MAF: variants seen among roughly 807,000 people sequenced by gnomAD.
MAF encodes the protein MAF bZIP transcription factor, also known as transcription factor Maf.
A neutral mutation model predicts 22.0 loss-of-function variants in MAF; 10 were observed. That is an observed-to-expected ratio of 0.45 (90% CI 0.28 to 0.77). The LOEUF is 0.77. MAF is among the 30% of genes least tolerant of loss of function. The pLI, the probability that MAF is intolerant of heterozygous loss-of-function variation, is 0.12. For synonymous variants in MAF, 337 were observed against 255.8 expected, an observed-to-expected ratio of 1.32 and a Z score of -3.03; for missense variants, 544 against 548.4, an observed-to-expected ratio of 0.99 and a Z score of 0.08.
At chr16:79,273,634 A>C in the MAF span, among the ~76,000 whole-genome samples, 1 of 152,188 alleles carries the variant, frequency 6.6e-6, no homozygotes, top group Non-Finnish European at 1.5e-5. Context: ...TCTGTCTTCA[A>C]AGCCAGCAAT....
Position 79,599,670 on chromosome 16 carries a change from G to A in MAF, c.233C>T (p.Pro78Leu). The A allele has an allele frequency of 6.2e-7, 1 of 1,612,306 alleles. No individual in the cohort carries two copies. The highest frequency in any genetic ancestry group is 8.5e-7 in the Non-Finnish European group (1 of 1,179,660). The part of the protein sequence containing the change: ...PPSPSFSAPS[P>L]GSGSEQKAHL... Reference sequence around the variant, plus strand: ...CGCCTTCTGCTCGCTGCCCGAGCCCGGGCTGGGCGCCGAGAAGCTGGGGGA... The same window carrying A: ...CGCCTTCTGCTCGCTGCCCGAGCCCAGGCTGGGCGCCGAGAAGCTGGGGGA... Residue 78 changes from proline (P) to leucine (L), a missense_variant, in exon 1 of 2, where the codon CCG becomes CTG. Transcript: ENST00000326043.
the MAF span, among the ~76,000 whole-genome samples, chr16:79,240,487 GAAAAAAAAAAAAAAAAAAAAAAAAAA>G: frequency 6.5e-3 from 394 of 60,738 alleles, 4 homozygotes; most frequent in African/African-American, 0.011. Context: ...AGCATCTCTG[GAAAAAAAAAAAAAAAAAAAAAAAAAA>G]AAAAAAAAAA....
the MAF span, among the ~76,000 whole-genome samples, chr16:79,489,865 G>T: frequency 6.0e-4 from 91 of 152,272 alleles, no homozygotes; most frequent in African/African-American, 2.2e-3. Context: ...CTCTGGGCAG[G>T]TTGGAAAGAG....
the MAF span, among the ~76,000 whole-genome samples, chr16:79,426,243 G>A: frequency 6.6e-6 from 1 of 152,062 alleles, no homozygotes. Context: ...CACTGAGGTG[G>A]AAAATACATG....
the MAF span, among the ~76,000 whole-genome samples, chr16:79,405,166 G>C: frequency 6.6e-6 from 1 of 152,156 alleles, no homozygotes; most frequent in Admixed American, 6.5e-5. Flanking sequence ...AGCACTCTGA[G>C]GGATTTATCC....
At chr16:79,350,522 G>A in the MAF span, among the ~76,000 whole-genome samples, 52 of 152,300 alleles carry the variant, frequency 3.4e-4, no homozygotes, top group South Asian at 6.6e-3. Context: ...CCCCTTTGCA[G>A]TTAAACGTGA....
At chr16:79,270,799 G>C in the MAF span, among the ~76,000 whole-genome samples, 1 of 152,140 alleles carries the variant, frequency 6.6e-6, no homozygotes, top group African/African-American at 2.4e-5. Context: ...TGTGGCTTGG[G>C]AGGTCACCAT....
the MAF span, among the ~76,000 whole-genome samples, chr16:79,414,501 C>T: frequency 2.0e-5 from 3 of 152,194 alleles, no homozygotes; most frequent in Non-Finnish European, 4.4e-5. Flanking sequence ...CATGAGGGAT[C>T]TGCCTCCAGG....
At chr16:79,317,008 C>T in the MAF span, among the ~76,000 whole-genome samples, 2 of 152,190 alleles carry the variant, frequency 1.3e-5, no homozygotes, top group Admixed American at 1.3e-4. Context: ...AATGAAAATG[C>T]ATTACATCAC....
At chr16:79,319,064 T>C in the MAF span, among the ~76,000 whole-genome samples, 1 of 152,122 alleles carries the variant, frequency 6.6e-6, no homozygotes, top group Non-Finnish European at 1.5e-5. Context: ...CACAGATTTT[T>C]TTTTCTCCAG....
chr16:79,431,695 C>G, the MAF span, among the ~76,000 whole-genome samples: 15,850 of 152,246 alleles, frequency 0.1, 857 homozygotes, highest in Middle Eastern at 0.13. Context: ...GCGCCACTTT[C>G]ATAAACCTCC....
chr16:79,547,115 G>T, the MAF span, among the ~76,000 whole-genome samples: 1 of 152,066 alleles, frequency 6.6e-6, no homozygotes, highest in Non-Finnish European at 1.5e-5. Flanking sequence ...ACTGTTGGGG[G>T]AGGCAATGAG....
At chr16:79,416,508 A>AG in the MAF span, among the ~76,000 whole-genome samples, 1 of 152,026 alleles carries the variant, frequency 6.6e-6, no homozygotes, top group Non-Finnish European at 1.5e-5. Flanking sequence ...GCAAAAAAAA[A>AG]AAAAAGATCA....
the MAF span, among the ~76,000 whole-genome samples, chr16:79,567,650 A>T: frequency 6.6e-6 from 1 of 152,204 alleles, no homozygotes; most frequent in Non-Finnish European, 1.5e-5. Flanking sequence ...GCCTCTCCCC[A>T]CTGGGCTTGG....
At chr16:79,466,333 T>C in the MAF span, among the ~76,000 whole-genome samples, 1 of 152,224 alleles carries the variant, frequency 6.6e-6, no homozygotes, top group Admixed American at 6.5e-5. Context: ...TGGGTTTAAA[T>C]GATGTCCATT....
chr16:79,276,098 G>T, the MAF span, among the ~76,000 whole-genome samples: 28 of 151,822 alleles, frequency 1.8e-4, 1 homozygote, highest in Middle Eastern at 6.8e-3. Flanking sequence ...CCGAGATCGT[G>T]CCACTTCATT....
the MAF span, among the ~76,000 whole-genome samples, chr16:79,517,049 A>G: frequency 3.9e-5 from 6 of 152,022 alleles, no homozygotes; most frequent in African/African-American, 1.5e-4. Context: ...CTCCAGGACC[A>G]TAGCACACTG....
chr16:79,354,776 A>T, the MAF span, among the ~76,000 whole-genome samples: 1 of 152,212 alleles, frequency 6.6e-6, no homozygotes, highest in Non-Finnish European at 1.5e-5. Context: ...GCCATCCTGG[A>T]GCCCAGAACC....
the MAF span, among the ~76,000 whole-genome samples, chr16:79,402,486 A>T: frequency 4.0e-3 from 615 of 152,296 alleles, 4 homozygotes; most frequent in African/African-American, 0.014. Context: ...AGGTGGCCAC[A>T]GGGCGCATTC....
Sources: gnomAD v4.1 joint callset for allele counts (sites outside exome capture counted in the v4.1 genomes callset) on GRCh38, gnomAD v4.1.1 for gene constraint, MANE v1.5 for transcripts, NCBI Gene and HGNC (gene_info 2026-07-23, HGNC 2026-07-21) for gene names.